The following BMP1 variants were observed in gnomAD, a reference collection of about 807,000 sequenced individuals.
BMP1 encodes the protein bone morphogenetic protein 1, also known as mammalian tolloid protein.
In BMP1, 63 loss-of-function variants were observed where a neutral mutation model predicts 116.8. That is an observed-to-expected ratio of 0.54 (90% CI 0.44 to 0.67). The LOEUF is 0.67. Ranked by LOEUF, BMP1 falls within the 30% of genes least tolerant of loss-of-function variation. The pLI is 0.00. For missense variants in BMP1, 1,183 were observed against 1,358.9 expected (o/e 0.87, Z 2.04); for synonymous variants, 536 against 533.4 (o/e 1.00, Z -0.07).
At chr8:22,177,626 C>T (rs1198722343) in intron 5 of BMP1, 2 of 759,848 alleles carry the variant, frequency 2.6e-6, no homozygotes, top group Non-Finnish European at 2.4e-6. Context: ...TGCTTCCTTC[C>T]CATGTTCCCT....
In BMP1 at chr8:22,194,850, C is replaced by T. The variant is rs200179324; in HGVS notation, c.1570C>T (p.Arg524Cys). ...TGATGACATCAAGAGCACGTCCAGC[C>T]GCCTCTGGCTCAAGTTCGTCTCTGA... ...KPDDIKSTSS[R>C]LWLKFVSDGS... The change falls in exon 12 of 20, where the codon CGC becomes TGC. Residue 524 changes from arginine to cysteine, a missense_variant. Transcript: ENST00000306385. The surrounding 1 kb of genome is among the most constrained non-coding windows in gnomAD (Gnocchi z 4.5). The T allele has an allele frequency of 5.9e-5, 96 of 1,614,028 alleles. No individual in the cohort carries two copies. The highest frequency in any genetic ancestry group is 1.2e-4 in the South Asian group (11 of 91,082).
intron 15 of BMP1, chr8:22,198,811 A>C: frequency 2.1e-6 from 1 of 475,068 alleles, no homozygotes. Flanking sequence ...TGCTCTGCTT[A>C]CAGTGGCCCG....
intron 16 of BMP1, among the ~76,000 whole-genome samples, chr8:22,205,572 T>A (rs1829337833): frequency 6.6e-6 from 1 of 151,770 alleles, no homozygotes; most frequent in Admixed American, 6.6e-5. Flanking sequence ...TCCAGGAGTT[T>A]GACATCAGCC....
At chr8:22,184,641 A>G (rs953158689) in intron 8 of BMP1, among the ~76,000 whole-genome samples, 2 of 152,220 alleles carry the variant, frequency 1.3e-5, no homozygotes, top group African/African-American at 2.4e-5. Flanking sequence ...ACAATCAGGT[A>G]CCACGGAAAG....
At chr8:22,171,197 TC>T (rs1446573078) in intron 1 of BMP1, 1 of 152,122 alleles carries the variant, frequency 6.6e-6, no homozygotes, top group Non-Finnish European at 1.5e-5. Flanking sequence ...AGATTTGGGG[TC>T]ACTTACTGGC....
intron 14 of BMP1, 146 bp from the exon 15 acceptor site, chr8:22,197,094 T>C: frequency 8.9e-7 from 1 of 1,127,070 alleles, no homozygotes; most frequent in East Asian, 2.6e-5. Flanking sequence ...GGCTTAGGGC[T>C]GGCTTGGCGA....
intron 16 of BMP1, among the ~76,000 whole-genome samples, chr8:22,203,566 A>C (rs1829301374): frequency 6.6e-6 from 1 of 152,202 alleles, no homozygotes. Flanking sequence ...CAAAAAATAA[A>C]AAATAATAAA....
intron 8 of BMP1, among the ~76,000 whole-genome samples, chr8:22,183,828 G>A (rs1216772563): frequency 4.6e-5 from 7 of 152,010 alleles, no homozygotes; most frequent in Non-Finnish European, 8.8e-5. Flanking sequence ...CGCCTGCCTC[G>A]GCCTCCCAGA....
chr8:22,167,467 G>T (rs117761782), intron 1 of BMP1, among the ~76,000 whole-genome samples: 3,403 of 152,282 alleles, frequency 0.022, 60 homozygotes, highest in Middle Eastern at 0.061. Context: ...GTCTGGGGGG[G>T]TCTTCATGGA....
chr8:22,185,872 G>T (rs4383966), intron 8 of BMP1, among the ~76,000 whole-genome samples: 4,937 of 93,560 alleles, frequency 0.053, 215 homozygotes, highest in African/African-American at 0.15. Context: ...TCTTGCTCTT[G>T]TCCCCCAGGC....
At position 22,176,666 on chromosome 8, in the gene BMP1, T is replaced by G. The variant is rs200403560; in HGVS notation, c.551+16T>G. 5.8e-5 allele frequency: 93 copies of G among 1,612,840 alleles called. No individual in the cohort carries two copies. Among genetic ancestry groups the G allele is most frequent in the Non-Finnish European group, 7.5e-5 (88 of 1,179,006 alleles). Reference sequence around the variant, plus strand: ...GACCTTGCGGGTGAGCAGGAAGCCCTAGGCGCTGTACCTTCCGCCATTGCC... The same window carrying G: ...GACCTTGCGGGTGAGCAGGAAGCCCGAGGCGCTGTACCTTCCGCCATTGCC... On this transcript the variant is annotated intron_variant, in intron 4 of 19. Transcript: ENST00000306385.
chr8:22,175,171 C>A (rs971594662), intron 2 of BMP1, among the ~76,000 whole-genome samples: 1 of 152,208 alleles, frequency 6.6e-6, no homozygotes, highest in Non-Finnish European at 1.5e-5. Flanking sequence ...TGCTAACCCA[C>A]CAGGTGACTT....
rs898649282 is a variant in BMP1, at chr8:22,207,090, G to A, written c.2361+109G>A. On this transcript the variant is annotated intron_variant, in intron 17 of 19. Coordinates refer to ENST00000306385, the MANE Select transcript of BMP1 (RefSeq NM_006129.5). ...GAGCCCAGAGGTCTGCCATCCCCAGGAGACCCCAAGTCTGGCCTGGACAGA... is the reference window on the plus strand; with the variant it reads ...GAGCCCAGAGGTCTGCCATCCCCAGAAGACCCCAAGTCTGGCCTGGACAGA... 4 of 1,521,786 alleles carry A rather than the reference G, an allele frequency of 2.6e-6. No homozygotes were observed. The Admixed American group carries it at 5.9e-5, about 23-fold the overall frequency. The allele number at this position is 1,521,786 out of a possible 1,614,324, so 94.3% of individuals were successfully genotyped here.
At chr8:22,196,868 G>A in intron 14 of BMP1, 28 bp downstream of exon 14, 1 of 1,596,254 alleles carries the variant, frequency 6.3e-7, no homozygotes, top group Non-Finnish European at 8.6e-7. Flanking sequence ...GCTGAGGTGG[G>A]GCAGGAAGCT....
chr8:22,201,000 C>CCCCCCCCCCCCAA, intron 15 of BMP1: 2 of 364,748 alleles, frequency 5.5e-6, no homozygotes, highest in South Asian at 2.2e-5. Context: ...CCCGCCCCAC[C>CCCCCCCCCCCCAA]CTGCCCCTCA....
At position 22,176,191 on chromosome 8, in the gene BMP1, C is replaced by G. The variant is rs1185001376; in HGVS notation, c.311C>G (p.Pro104Arg). ...AGCTGCCAGAGCACCAACGGGCAGCCTCAGAGGGGAGCCTGTGGGAGATGG... is the reference window on the plus strand; with the variant it reads ...AGCTGCCAGAGCACCAACGGGCAGCGTCAGAGGGGAGCCTGTGGGAGATGG... ...TPSCQSTNGQ[P>R]QRGACGRWRG... The change falls in exon 3 of 20, where the codon CCT (proline) becomes CGT (arginine). Residue 104 changes from proline (P) to arginine (R), a missense_variant. Physicochemically the swap from Pro to Arg is moderately radical, Grantham distance 103. Around this residue, in one of 4 missense-constraint regions of BMP1, gnomAD observed 185 missense variants for 158.9 expected, o/e 1.16. Coordinates refer to ENST00000306385, the MANE Select transcript of BMP1 (RefSeq NM_006129.5). The G allele has an allele frequency of 6.2e-7, 1 of 1,614,166 alleles. No homozygotes were observed. Among genetic ancestry groups the G allele is most frequent in the African/African-American group, 1.3e-5 (1 of 75,060 alleles).
intron 9 of BMP1, chr8:22,192,407 G>A (rs1828960931): frequency 2.5e-6 from 1 of 399,182 alleles, no homozygotes; most frequent in Non-Finnish European, 4.7e-6. Flanking sequence ...GAAGTTGGCT[G>A]TCACCCTACG....
intron 19 of BMP1, among the ~76,000 whole-genome samples, chr8:22,211,063 G>C (rs1829454905): frequency 6.6e-6 from 1 of 152,202 alleles, no homozygotes; most frequent in East Asian, 1.9e-4. Context: ...GCGGGGCAAG[G>C]GGTAGGGATG....
At chr8:22,176,905 A>G in intron 4 of BMP1, 56 bp from the exon 5 acceptor site, 1 of 1,352,048 alleles carries the variant, frequency 7.4e-7, no homozygotes, top group Non-Finnish European at 1.0e-6. Context: ...CCCGCCCCTG[A>G]GTGGATGCAC....
Sources: gnomAD v4.1 joint callset for allele counts (sites outside exome capture counted in the v4.1 genomes callset) on GRCh38, gnomAD v4.1.1 for gene constraint, gnomAD v4.1.1 regional missense constraint, Gnocchi (gnomAD v3.1) non-coding constraint, MANE v1.5 for transcripts, NCBI Gene and HGNC (gene_info 2026-07-23, HGNC 2026-07-21) for gene names.